NOD1: variants seen among roughly 807,000 people sequenced by gnomAD.
The protein encoded by NOD1 is nucleotide binding oligomerization domain containing 1.
A neutral mutation model predicts 81.2 loss-of-function variants in NOD1; 70 were observed. That is an observed-to-expected ratio of 0.86 (90% CI 0.71 to 1.05). The LOEUF (loss-of-function observed/expected upper bound fraction) is 1.05. NOD1 is among the 50% of genes least tolerant of loss of function. The pLI is 0.00. For missense variants in NOD1, 1,233 were observed against 1,228.0 expected, an observed-to-expected ratio of 1.00 and a Z score of -0.06; for synonymous variants, 508 against 526.9, an observed-to-expected ratio of 0.96 and a Z score of 0.49.
chr7:30,447,118 G>A, intron 7 of NOD1, 68 bp from the exon 8 acceptor site: 1 of 1,610,866 alleles, frequency 6.2e-7, no homozygotes, highest in Non-Finnish European at 8.5e-7. Context: ...CCTGTTTTTT[G>A]AAGCATATGG....
At position 30,467,638 on chromosome 7, in the gene NOD1, T is replaced by C. The variant is rs532565318; in HGVS notation, c.-351-7597A>G. Among the ~76,000 whole-genome samples the C allele has an allele frequency of 3.9e-5, 6 of 152,370 alleles. No individual in the cohort carries two copies. Among genetic ancestry groups the C allele is most frequent in the African/African-American group, 1.4e-4 (6 of 41,588 alleles). ...AAAAGCTCTTCCTGTTTTGTGAAAG[T>C]ATCACAATAAATCTGATGGGATTGT... On this transcript the variant is annotated intron_variant, in intron 1 of 13. Coordinates refer to ENST00000222823, the MANE Select transcript of NOD1 (RefSeq NM_006092.4). This position sits in a 1 kb window ranked among gnomAD's most constrained non-coding sequence, Gnocchi z 4.5.
intron 12 of NOD1, 134 bp downstream of exon 12, chr7:30,432,962 A>G: frequency 1.5e-6 from 1 of 660,840 alleles, no homozygotes; most frequent in Non-Finnish European, 2.6e-6. Context: ...TTCTAGAATT[A>G]GGTGGTGATG....
rs1328616090 is a variant in NOD1 at position 30,478,767 on chromosome 7, G to T, written c.-513C>A. 1 of 152,226 alleles carries T rather than the reference G, an allele frequency of 6.6e-6. No homozygotes were observed. Among genetic ancestry groups the T allele is most frequent in the African/African-American group, 2.4e-5 (1 of 41,452 alleles). The allele number at this position is 152,226 out of a possible 1,614,324, so 9.4% of individuals were successfully genotyped here. A position where few individuals can be genotyped will look rare whatever the true frequency, so the allele number is the denominator to read the frequency against. On this transcript the variant is annotated 5_prime_UTR_variant, in exon 1 of 14. Coordinates refer to ENST00000222823, the MANE Select transcript of NOD1 (RefSeq NM_006092.4). The surrounding 1 kb of genome is among the most constrained non-coding windows in gnomAD (Gnocchi z 4.1). Reference sequence around the variant, plus strand: ...GGCAGGACCGGGGCGGCTGCCTCGCGGGCCCGGAACGGGAACTGGCTGCGA... The same window carrying T: ...GGCAGGACCGGGGCGGCTGCCTCGCTGGCCCGGAACGGGAACTGGCTGCGA...
At chr7:30,448,672 T>C (rs1292511740) in intron 6 of NOD1, among the ~76,000 whole-genome samples, 1 of 152,164 alleles carries the variant, frequency 6.6e-6, no homozygotes, top group African/African-American at 2.4e-5. Context: ...ACCTCTGACA[T>C]CCACCCTTTG....
chr7:30,455,614 G>C (rs1000813558), intron 4 of NOD1, among the ~76,000 whole-genome samples: 1 of 142,150 alleles, frequency 7.0e-6, no homozygotes, highest in African/African-American at 2.7e-5. Context: ...TCTTTTTTGA[G>C]ACAGAGTCTT....
At chr7:30,446,436 C>A in intron 8 of NOD1, 1 of 571,272 alleles carries the variant, frequency 1.8e-6, no homozygotes, top group Non-Finnish European at 3.1e-6. Context: ...AGGAGATGGT[C>A]CACAGTCTCT....
intron 1 of NOD1, among the ~76,000 whole-genome samples, chr7:30,474,054 T>C (rs1001262092): frequency 2.0e-5 from 3 of 152,148 alleles, no homozygotes; most frequent in Admixed American, 6.5e-5. Context: ...ATCAGGCCTG[T>C]CATCATTTCA....
intron 1 of NOD1, among the ~76,000 whole-genome samples, chr7:30,470,946 T>C (rs1431584459): frequency 6.6e-6 from 1 of 152,106 alleles, no homozygotes; most frequent in East Asian, 1.9e-4. Flanking sequence ...CATCTGGATA[T>C]GGCATTTAGG....
At chr7:30,461,203 T>C (rs990767468) in intron 1 of NOD1, among the ~76,000 whole-genome samples, 10 of 152,194 alleles carry the variant, frequency 6.6e-5, no homozygotes, top group African/African-American at 2.4e-5. Context: ...AGATGAAGTC[T>C]CACTCACTCT....
chr7:30,451,726 G>A lies in NOD1; in HGVS notation c.1691C>T (p.Pro564Leu), dbSNP rs148340769. ...ATTSCYPPFL[P>L]FQCLQGSGPA... ...ACCACTGCCCTGCAGGCACTGGAAC[G>A]GGAGGAAGGGAGGATAGCAGGACGT... Residue 564 changes from proline (P) to leucine (L), a missense_variant, in exon 6 of 14, where the codon CCG becomes CTG. Pro to Leu is a moderately conservative substitution (Grantham distance 98). Transcript: ENST00000222823. This position sits in a 1 kb window ranked among gnomAD's most constrained non-coding sequence, Gnocchi z 4.2. The A allele has an allele frequency of 1.9e-5, 31 of 1,613,628 alleles. No individual in the cohort carries two copies. Among genetic ancestry groups the A allele is most frequent in the East Asian group, 8.9e-5 (4 of 44,882 alleles).
At chr7:30,438,564 C>A (rs1002743430) in intron 9 of NOD1, among the ~76,000 whole-genome samples, 10 of 152,234 alleles carry the variant, frequency 6.6e-5, no homozygotes, top group African/African-American at 2.4e-4. Context: ...CCACTCACAA[C>A]ACAATGGCAG....
chr7:30,460,979 G>C (rs550816734), intron 1 of NOD1, among the ~76,000 whole-genome samples: 2 of 152,306 alleles, frequency 1.3e-5, no homozygotes, highest in East Asian at 3.9e-4. Context: ...TTGCAGGATG[G>C]CGGATCTTCA....
Position 30,448,180 on chromosome 7 carries a change from G to A in NOD1, c.2285+118C>T, listed in dbSNP as rs199476269. 2.2e-5 allele frequency: 18 copies of A among 822,940 alleles called. No homozygotes were observed. Among genetic ancestry groups the A allele is most frequent in the South Asian group, 6.1e-5 (4 of 65,402 alleles). The allele number at this position is 822,940 out of a possible 1,614,324, so 51.0% of individuals were successfully genotyped here. A position where few individuals can be genotyped will look rare whatever the true frequency, so the allele number is the denominator to read the frequency against. On this transcript the variant is annotated intron_variant, in intron 7 of 13. Transcript: ENST00000222823. Reference sequence around the variant, plus strand: ...CAGGACTCTCAACTCCTGGGCCAGCGCTCTTCCCAGCCCTGGGCCATCCGT... The same window carrying A: ...CAGGACTCTCAACTCCTGGGCCAGCACTCTTCCCAGCCCTGGGCCATCCGT...
chr7:30,456,073 CAAGAG>C lies in NOD1; in HGVS notation c.201+643_201+647del, dbSNP rs1299392174. ...TTGTTAAAAATGTGGGAAAACAAAT[CAAGAG>C]AAGAGAACAAAGCACACGAGTGTGC... On this transcript the variant is annotated intron_variant, in intron 4 of 13. Transcript: ENST00000222823. 2.0e-5 allele frequency among the ~76,000 whole-genome samples: 3 copies of C among 152,168 alleles called. No homozygotes were observed. The East Asian group carries it at 5.8e-4, about 29-fold the overall frequency.
chr7:30,478,499 G>A lies in NOD1; in HGVS notation c.-352+107C>T, dbSNP rs1441719067. On this transcript the variant is annotated intron_variant, in intron 1 of 13. Coordinates refer to ENST00000222823, the MANE Select transcript of NOD1 (RefSeq NM_006092.4). The surrounding 1 kb of genome is among the most constrained non-coding windows in gnomAD (Gnocchi z 4.1). ...CCCAGAGCTCCTCCAGAGCCGCGCT[G>A]CGTTCCGCCCGCACGCAAATCCCGC... The A allele has an allele frequency of 1.3e-5, 2 of 152,468 alleles. No homozygotes were observed. The highest frequency in any genetic ancestry group is 2.9e-5 in the Non-Finnish European group (2 of 68,270). 9.4% of individuals were successfully genotyped at this position (152,468 alleles called of 1,614,324 possible).
At chr7:30,435,445 C>T (rs1784299306) in intron 11 of NOD1, among the ~76,000 whole-genome samples, 1 of 152,162 alleles carries the variant, frequency 6.6e-6, no homozygotes, top group Non-Finnish European at 1.5e-5. Context: ...TTCTAGTTCT[C>T]CTGGGGCCTA....
intron 12 of NOD1, among the ~76,000 whole-genome samples, chr7:30,431,689 G>A (rs1457901396): frequency 2.0e-5 from 3 of 152,148 alleles, no homozygotes; most frequent in Non-Finnish European, 4.4e-5. Flanking sequence ...CAACTATAAC[G>A]CTTAACAGAA....
At position 30,434,164 on chromosome 7, in the gene NOD1, G is replaced by A. The variant is rs182392851; in HGVS notation, c.2622-985C>T. ...CCAGCAGGGTGACCTCGGGCAACAGGCTTAAGTTCTTTGGGTCTGAGTTTT... is the reference window on the plus strand; with the variant it reads ...CCAGCAGGGTGACCTCGGGCAACAGACTTAAGTTCTTTGGGTCTGAGTTTT... On this transcript the variant is annotated intron_variant, in intron 11 of 13. Transcript: ENST00000222823. Among the ~76,000 whole-genome samples the A allele has an allele frequency of 2.6e-4, 40 of 152,320 alleles. 1 individual carries two copies. The highest frequency in any genetic ancestry group is 7.9e-4 in the African/African-American group (33 of 41,560).
chr7:30,474,228 T>C (rs905036445), intron 1 of NOD1, among the ~76,000 whole-genome samples: 1 of 152,240 alleles, frequency 6.6e-6, no homozygotes, highest in Non-Finnish European at 1.5e-5. Context: ...TCATAATCTT[T>C]ATCATCATAA....
Sources: allele counts gnomAD v4.1 joint callset (sites outside exome capture counted in the v4.1 genomes callset), GRCh38; gene constraint gnomAD v4.1.1; non-coding constraint Gnocchi (gnomAD v3.1); transcripts MANE v1.5; gene names NCBI Gene and HGNC (gene_info 2026-07-23, HGNC 2026-07-21).